Variants in SLC30A8 observed in about 807,000 individuals in gnomAD.
SLC30A8 encodes the protein solute carrier family 30 member 8, also known as proton-coupled zinc antiporter SLC30A8.
In SLC30A8, 27 loss-of-function variants were observed where a neutral mutation model predicts 36.9. The ratio of observed to expected loss-of-function variants is 0.73; its 90% CI spans 0.54 to 1.01. SLC30A8 has a LOEUF of 1.01. SLC30A8 is among the 50% of genes least tolerant of loss of function. SLC30A8 has a pLI of 0.00. For missense variants in SLC30A8, 439 were observed against 452.0 expected (o/e 0.97, Z 0.26); for synonymous variants, 164 against 172.4 (o/e 0.95, Z 0.38).
At chr8:117,008,244 C>A (rs1816243069) in intron 1 of SLC30A8, among the ~76,000 whole-genome samples, 1 of 152,092 alleles carries the variant, frequency 6.6e-6, no homozygotes, top group South Asian at 2.1e-4. Context: ...CCAATAAGAA[C>A]CCTATTGTAT....
chr8:117,041,406 G>A (rs1231212405), intron 2 of SLC30A8, among the ~76,000 whole-genome samples: 2 of 152,194 alleles, frequency 1.3e-5, no homozygotes, highest in East Asian at 3.8e-4. Flanking sequence ...TCTGATGGCG[G>A]GCTGGGCACG....
intron 1 of SLC30A8, among the ~76,000 whole-genome samples, chr8:117,014,028 A>G (rs1816430153): frequency 6.6e-6 from 1 of 152,162 alleles, no homozygotes; most frequent in South Asian, 2.1e-4. Context: ...GTTTTCATTT[A>G]GCTCTTGGTG....
At position 117,081,386 on chromosome 8, in the gene SLC30A8, G is replaced by A. The variant is rs552149933; in HGVS notation, c.-226+42128G>A. Among the ~76,000 whole-genome samples the A allele has an allele frequency of 2.0e-5, 3 of 152,302 alleles. No homozygotes were observed. In the South Asian group the frequency reaches 6.2e-4, roughly 32 times the overall value. ...GCTTGCAGATGGCCGTCTTCTCACT[G>A]TGTTCTCACATGACTTTTCTCTGTG... On this transcript the variant is annotated intron_variant, in intron 2 of 10. Transcript: ENST00000427715.
chr8:116,954,467 TAAA>T (rs922060326), intron 1 of SLC30A8, among the ~76,000 whole-genome samples: 11 of 152,106 alleles, frequency 7.2e-5, no homozygotes, highest in African/African-American at 2.7e-4. Flanking sequence ...GAAAAGCTAT[TAAA>T]GAGAGAGAGA....
chr8:117,006,767 A>C (rs1429830224), intron 1 of SLC30A8, among the ~76,000 whole-genome samples: 1 of 141,254 alleles, frequency 7.1e-6, no homozygotes, highest in Non-Finnish European at 1.5e-5. Flanking sequence ...GAGTTGAGTC[A>C]GGTAATTTTT....
intron 2 of SLC30A8, among the ~76,000 whole-genome samples, chr8:117,079,270 A>G (rs924419068): frequency 4.6e-5 from 7 of 152,078 alleles, no homozygotes; most frequent in Non-Finnish European, 8.8e-5. Flanking sequence ...TCGGCCCCCT[A>G]AAGTGCTGGG....
At chr8:117,060,163 C>A (rs764067432) in intron 2 of SLC30A8, among the ~76,000 whole-genome samples, 4 of 151,950 alleles carry the variant, frequency 2.6e-5, no homozygotes, top group South Asian at 2.1e-4. Context: ...AATGGAGATG[C>A]TTTTTTATTT....
At chr8:117,021,681 A>G (rs1331769754) in intron 1 of SLC30A8, among the ~76,000 whole-genome samples, 1 of 152,220 alleles carries the variant, frequency 6.6e-6, no homozygotes, top group African/African-American at 2.4e-5. Flanking sequence ...TGGATTTGCA[A>G]AAGGTCAAGA....
chr8:116,953,041 G>A (rs992548770), intron 1 of SLC30A8, among the ~76,000 whole-genome samples: 2 of 151,246 alleles, frequency 1.3e-5, no homozygotes, highest in Non-Finnish European at 2.9e-5. Context: ...TCCCCTTTTA[G>A]TAGACCCCCA....
intron 1 of SLC30A8, among the ~76,000 whole-genome samples, chr8:116,973,948 C>T (rs1182620063): frequency 6.6e-6 from 1 of 152,176 alleles, no homozygotes; most frequent in Non-Finnish European, 1.5e-5. Context: ...CAAGGATTCC[C>T]TATTTAATAA....
chr8:117,124,964 A>C (rs7816424), intron 2 of SLC30A8, among the ~76,000 whole-genome samples: 4,729 of 152,104 alleles, frequency 0.031, 252 homozygotes, highest in African/African-American at 0.1. Flanking sequence ...AGATTATTAC[A>C]TACATAGCAT....
At chr8:117,124,675 TC>T (rs376331485) in intron 2 of SLC30A8, among the ~76,000 whole-genome samples, 37 of 129,228 alleles carry the variant, frequency 2.9e-4, no homozygotes, top group African/African-American at 1.0e-3. Flanking sequence ...GATTAGAAAA[TC>T]AGTGAATAAC....
At chr8:117,081,051 C>T (rs1333148755) in intron 2 of SLC30A8, among the ~76,000 whole-genome samples, 1 of 152,142 alleles carries the variant, frequency 6.6e-6, no homozygotes, top group African/African-American at 2.4e-5. Context: ...TTAATATCTT[C>T]CTCCAAAGTC....
rs149688989 is a variant in SLC30A8, at chr8:117,057,799, A to G, written c.-226+18541A>G. ...AAAGTCCATTCATCTGTTGATAGAC[A>G]GTTGGTTTGATTTCATATCTTGGCT... On this transcript the variant is annotated intron_variant, in intron 2 of 10. Transcript: ENST00000427715. Among the ~76,000 whole-genome samples the G allele has an allele frequency of 1.3e-4, 20 of 152,322 alleles. No homozygotes were observed. The East Asian group carries it at 3.3e-3, about 25-fold the overall frequency.
intron 2 of SLC30A8, among the ~76,000 whole-genome samples, chr8:117,100,424 T>C (rs2130855521): frequency 6.6e-6 from 1 of 152,312 alleles, no homozygotes; most frequent in Non-Finnish European, 1.5e-5. Flanking sequence ...ACCACTTTTT[T>C]CCACAGCTCC....
At chr8:117,159,025 A>G (rs1822644128) in intron 4 of SLC30A8, among the ~76,000 whole-genome samples, 1 of 152,232 alleles carries the variant, frequency 6.6e-6, no homozygotes, top group African/African-American at 2.4e-5. Context: ...AGAGGAGAGA[A>G]GATGCTGTAT....
intron 2 of SLC30A8, among the ~76,000 whole-genome samples, chr8:117,127,956 T>C (rs544343562): frequency 4.9e-4 from 75 of 152,238 alleles, no homozygotes; most frequent in African/African-American, 1.7e-3. Flanking sequence ...AAGGCAATTC[T>C]CTCTTATATT....
At chr8:116,995,426 C>T (rs1815781667) in intron 1 of SLC30A8, among the ~76,000 whole-genome samples, 1 of 152,074 alleles carries the variant, frequency 6.6e-6, no homozygotes, top group African/African-American at 2.4e-5. Context: ...AACTTCATTT[C>T]CCACTAGATG....
intron 5 of SLC30A8, among the ~76,000 whole-genome samples, chr8:117,163,000 C>G (rs2129680359): frequency 6.6e-6 from 1 of 152,342 alleles, no homozygotes; most frequent in Non-Finnish European, 1.5e-5. Context: ...ATGCTGGCCA[C>G]ATGCAATTTC....
Sources: gnomAD v4.1 joint callset for allele counts (sites outside exome capture counted in the v4.1 genomes callset) on GRCh38, gnomAD v4.1.1 for gene constraint, MANE v1.5 for transcripts, NCBI Gene and HGNC (gene_info 2026-07-23, HGNC 2026-07-21) for gene names.